SNCAIP: variants seen among roughly 807,000 people sequenced by gnomAD.
SNCAIP encodes the protein synuclein alpha interacting protein, also known as synphilin-1.
SNCAIP carries 43 observed loss-of-function variants against 86.7 expected under a neutral mutation model. The observed-to-expected ratio is 0.50, with a 90% CI of 0.39 to 0.64. The LOEUF is 0.64. SNCAIP is among the 30% of genes least tolerant of loss of function. The pLI is 0.00. For synonymous variants in SNCAIP, 417 were observed against 427.2 expected (o/e 0.98, Z 0.29); for missense variants, 981 against 1,103.1 (o/e 0.89, Z 1.57).
intron 1 of SNCAIP, among the ~76,000 whole-genome samples, chr5:122,377,367 A>G (rs1013705973): frequency 1.3e-5 from 2 of 151,848 alleles, no homozygotes; most frequent in Admixed American, 6.6e-5. Context: ...TTTTTCTATT[A>G]TACATTCTTT....
intron 1 of SNCAIP, among the ~76,000 whole-genome samples, chr5:122,383,969 G>T (rs920091306): frequency 6.6e-6 from 1 of 152,178 alleles, no homozygotes; most frequent in Non-Finnish European, 1.5e-5. Context: ...GTGTGTTAGA[G>T]ACACAAAGTC....
Position 122,419,200 on chromosome 5 carries a change from G to A in SNCAIP, c.131-3668G>A, listed in dbSNP as rs540878727. On this transcript the variant is annotated intron_variant, in intron 3 of 10. Transcript: ENST00000261368. ...GGAGTAGCATCTGGATGTGTTAGGG[G>A]AAAAGGGGAAGGGGAGGGAGTGGGC... is the stretch of plus-strand genomic sequence containing the variant. Among the ~76,000 whole-genome samples the A allele has an allele frequency of 6.6e-5, 10 of 152,238 alleles. No individual in the cohort carries two copies. The East Asian group carries it at 1.2e-3, about 18-fold the overall frequency.
At chr5:122,360,640 G>T (rs758453585) in intron 1 of SNCAIP, among the ~76,000 whole-genome samples, 3 of 152,154 alleles carry the variant, frequency 2.0e-5, no homozygotes, top group Non-Finnish European at 2.9e-5. Context: ...GTGCAGAATT[G>T]TAAGGTTTAA....
At chr5:122,321,969 A>C (rs961155275) in intron 1 of SNCAIP, 4 of 152,192 alleles carry the variant, frequency 2.6e-5, no homozygotes, top group South Asian at 2.1e-4. Flanking sequence ...GAAAAAAAAA[A>C]CAAAAAAACA....
chr5:122,329,103 A>G (rs1461772336), intron 1 of SNCAIP, among the ~76,000 whole-genome samples: 1 of 152,174 alleles, frequency 6.6e-6, no homozygotes, highest in Non-Finnish European at 1.5e-5. Flanking sequence ...TGTCTGCCAC[A>G]TTTTCAATGC....
intron 1 of SNCAIP, among the ~76,000 whole-genome samples, chr5:122,373,752 G>C (rs1764723198): frequency 6.6e-6 from 1 of 152,154 alleles, no homozygotes; most frequent in South Asian, 2.1e-4. Context: ...GCAAAGTTCT[G>C]TGCTTTACAT....
At chr5:122,380,398 A>G (rs1335498163) in intron 1 of SNCAIP, among the ~76,000 whole-genome samples, 2 of 151,814 alleles carry the variant, frequency 1.3e-5, no homozygotes, top group African/African-American at 2.4e-5. Context: ...CCCCTTTATC[A>G]TTTTTTATTG....
chr5:122,357,758 T>TA (rs1318682501), intron 1 of SNCAIP, among the ~76,000 whole-genome samples: 1 of 152,122 alleles, frequency 6.6e-6, no homozygotes, highest in Non-Finnish European at 1.5e-5. Flanking sequence ...CTAATTAAAT[T>TA]AAAATGATGA....
In SNCAIP at chr5:122,426,299, G is replaced by C. The variant is rs567930047; in HGVS notation, c.1182+768G>C. Among the ~76,000 whole-genome samples the C allele has an allele frequency of 3.3e-5, 5 of 152,208 alleles. No individual in the cohort carries two copies. In the South Asian group the frequency reaches 8.3e-4, roughly 25 times the overall value. ...TCTTGTATTTTTGCATATGTGCTTT[G>C]CTTTACATAATAGTTGTGTCTTCTA... On this transcript the variant is annotated intron_variant, in intron 5 of 10. Transcript: ENST00000261368.
chr5:122,353,824 G>A (rs1447244929), intron 1 of SNCAIP, among the ~76,000 whole-genome samples: 3 of 152,012 alleles, frequency 2.0e-5, no homozygotes, highest in South Asian at 2.1e-4. Flanking sequence ...TATCAGCAGC[G>A]TGAAAATGGA....
At chr5:122,371,258 G>A (rs954756858) in intron 1 of SNCAIP, 1 of 150,526 alleles carries the variant, frequency 6.6e-6, no homozygotes, top group Non-Finnish European at 1.5e-5. Flanking sequence ...AGTCAACTCT[G>A]ATCAGATTTC....
In SNCAIP at chr5:122,423,660, G is replaced by T; in HGVS notation, c.923G>T (p.Gly308Val). 6.2e-7 allele frequency: 1 copy of T among 1,611,524 alleles called. No individual in the cohort carries two copies. The highest frequency in any genetic ancestry group is 1.1e-5 in the South Asian group (1 of 91,048). The change falls in exon 4 of 11, where the codon GGC becomes GTC. Residue 308 changes from glycine to valine, a missense_variant. By Grantham distance (109) the Gly-to-Val change is moderately radical. Coordinates refer to ENST00000261368, the MANE Select transcript of SNCAIP (RefSeq NM_005460.4). ...VSGLNRTSSQ[G>V]PEERSEYLKK... ...GGCCTAAACCGGACCAGCTCCCAAG[G>T]CCCAGAAGAAAGGAGTGAGTATCTG...
chr5:122,398,840 TC>T, intron 2 of SNCAIP, among the ~76,000 whole-genome samples: 1 of 152,198 alleles, frequency 6.6e-6, no homozygotes, highest in East Asian at 1.9e-4. Context: ...TGGTCAGAGA[TC>T]CCCGTAGCCC....
intron 1 of SNCAIP, among the ~76,000 whole-genome samples, chr5:122,372,413 A>G (rs1195241240): frequency 1.3e-5 from 2 of 152,190 alleles, no homozygotes; most frequent in Non-Finnish European, 2.9e-5. Flanking sequence ...TTGCCACTCC[A>G]TTACACCACT....
At chr5:122,379,525 CT>C (rs1324361101) in intron 1 of SNCAIP, among the ~76,000 whole-genome samples, 1 of 139,548 alleles carries the variant, frequency 7.2e-6, no homozygotes, top group African/African-American at 2.7e-5. Flanking sequence ...ATTGAATACC[CT>C]TTATTTCCTT....
At chr5:122,315,553 T>G (rs1751529560) in intron 1 of SNCAIP, among the ~76,000 whole-genome samples, 1 of 152,236 alleles carries the variant, frequency 6.6e-6, no homozygotes, top group Admixed American at 6.5e-5. Context: ...TGTGATCTAC[T>G]ACATTTTTGA....
Position 122,341,754 on chromosome 5 carries a change from A to T in SNCAIP, c.-47+29470A>T, listed in dbSNP as rs749687852. ...TGTAGGAAACGCCGTTGTTTTGAGC[A>T]GGCTCCAACCATGTAAAATCCACCC... On this transcript the variant is annotated intron_variant, in intron 1 of 10. Coordinates refer to ENST00000261368, the MANE Select transcript of SNCAIP (RefSeq NM_005460.4). Among the ~76,000 whole-genome samples, 46 of 152,164 alleles carry T rather than the reference A, an allele frequency of 3.0e-4. 1 individual carries two copies. Among genetic ancestry groups the T allele is most frequent in the Non-Finnish European group, 6.0e-4 (41 of 68,024 alleles).
intron 10 of SNCAIP, among the ~76,000 whole-genome samples, chr5:122,456,078 A>G (rs1244154112): frequency 6.6e-6 from 1 of 152,200 alleles, no homozygotes; most frequent in Non-Finnish European, 1.5e-5. Flanking sequence ...CCAGTTACTG[A>G]TAGGCAAAAG....
At chr5:122,398,638 A>T (rs1771132355) in intron 2 of SNCAIP, among the ~76,000 whole-genome samples, 1 of 152,136 alleles carries the variant, frequency 6.6e-6, no homozygotes, top group East Asian at 1.9e-4. Context: ...GGCTGGCTTA[A>T]TTGTTTCTTT....
Sources: gnomAD v4.1 joint callset for allele counts (sites outside exome capture counted in the v4.1 genomes callset) on GRCh38, gnomAD v4.1.1 for gene constraint, MANE v1.5 for transcripts, NCBI Gene and HGNC (gene_info 2026-07-23, HGNC 2026-07-21) for gene names.